Variants in RET observed in about 807,000 individuals in gnomAD.
RET encodes ret proto-oncogene, also known as proto-oncogene tyrosine-protein kinase receptor Ret.
Under a neutral mutation model 118.3 loss-of-function variants are expected in RET, and 19 were observed. The ratio of observed to expected loss-of-function variants is 0.16; its 90% CI spans 0.11 to 0.24. RET has a LOEUF of 0.24. RET is among the 10% of genes least tolerant of loss of function. The pLI is 1.00. For synonymous variants in RET, 597 were observed against 644.1 expected (o/e 0.93, Z 1.11); for missense variants, 1,219 against 1,502.1 (o/e 0.81, Z 3.12).
rs1437500839 is a variant in RET, at chr10:43,129,324, C to T, written c.*1055C>T. On this transcript the variant is annotated 3_prime_UTR_variant, in exon 20 of 20. Coordinates refer to ENST00000355710, the MANE Select transcript of RET (RefSeq NM_020975.6). ...AAGTAGCAATGACAATGACCAAGGA[C>T]TGCTACACCTCTGATTACAATTCTG... 4.3e-6 allele frequency: 1 copy of T among 233,626 alleles called. No individual in the cohort carries two copies. The highest frequency in any genetic ancestry group is 8.5e-6 in the Non-Finnish European group (1 of 118,062). 14.5% of individuals were successfully genotyped at this position (233,626 alleles called of 1,614,324 possible). A position where few individuals can be genotyped will look rare whatever the true frequency, so the allele number is the denominator to read the frequency against.
intron 13 of RET, among the ~76,000 whole-genome samples, chr10:43,119,209 G>A (rs1486685138): frequency 1.3e-5 from 2 of 152,178 alleles, no homozygotes; most frequent in Admixed American, 1.3e-4. Flanking sequence ...ACTGGGGCAG[G>A]ACCCAGGAGG....
chr10:43,094,840 A>G (rs535118074), intron 1 of RET, among the ~76,000 whole-genome samples: 1 of 152,340 alleles, frequency 6.6e-6, no homozygotes, highest in Admixed American at 6.5e-5. Flanking sequence ...TGGGAGAACA[A>G]GTGTATAACA....
chr10:43,077,088 G>A lies in RET; in HGVS notation c.-171G>A, dbSNP rs1837057649. ...CGCTTCAGTCCCGCGACCGAAGCAG[G>A]GCGCGCAGCAGCGCTGAGTGCCCCG... On this transcript the variant is annotated 5_prime_UTR_variant, in exon 1 of 20. Transcript: ENST00000355710. 7.9e-6 allele frequency: 8 copies of A among 1,017,754 alleles called. No individual in the cohort carries two copies. Among genetic ancestry groups the A allele is most frequent in the South Asian group, 6.6e-5 (2 of 30,494 alleles). 63.0% of individuals were successfully genotyped at this position (1,017,754 alleles called of 1,614,324 possible).
chr10:43,126,759 G>T, intron 19 of RET, 37 bp downstream of exon 19: 1 of 1,609,666 alleles, frequency 6.2e-7, no homozygotes, highest in Non-Finnish European at 8.5e-7. Flanking sequence ...TTCTAGCACC[G>T]CTGTCCCCTT....
rs146524796 is a variant in RET, at chr10:43,122,942, A to T, written c.2802-729A>T. Among the ~76,000 whole-genome samples, 18 of 152,290 alleles carry T rather than the reference A, an allele frequency of 1.2e-4. No individual in the cohort carries two copies. In the East Asian group the frequency reaches 3.5e-3, roughly 29 times the overall value. On this transcript the variant is annotated intron_variant, in intron 16 of 19. Transcript: ENST00000355710. ...GCATCTTAAATACTGTGGGCTGTGA[A>T]TAAGCAATTGGACAACAGCTTTCCG...
Position 43,106,632 on chromosome 10 carries a change from A to G in RET, c.1063+61A>G, listed in dbSNP as rs961850914. The G allele has an allele frequency of 1.9e-5, 30 of 1,546,754 alleles. No homozygotes were observed. The African/African-American group carries it at 3.8e-4, about 20-fold the overall frequency. ...CCAGGAAATGAGGTGCTCGCTCTTCATGGGCAAGCAGCACCCTACACACAT... is the reference window on the plus strand; with the variant it reads ...CCAGGAAATGAGGTGCTCGCTCTTCGTGGGCAAGCAGCACCCTACACACAT... On this transcript the variant is annotated intron_variant, in intron 5 of 19. Transcript: ENST00000355710. The surrounding 1 kb of genome is among the most constrained non-coding windows in gnomAD (Gnocchi z 5.1).
intron 16 of RET, 71 bp downstream of exon 16, chr10:43,122,087 C>A: frequency 8.2e-7 from 1 of 1,225,726 alleles, no homozygotes; most frequent in Non-Finnish European, 1.2e-6. Flanking sequence ...GGGGCCACGA[C>A]GCCCGTCTGT....
intron 6 of RET, 95 bp downstream of exon 6, chr10:43,109,325 A>AGTCTACTCTGTGCTGGTTGG: frequency 8.1e-7 from 1 of 1,228,250 alleles, no homozygotes; most frequent in Non-Finnish European, 1.2e-6. Flanking sequence ...TGGCCCAACC[A>AGTCTACTCTGTGCTGGTTGG]GCACAGAGTA....
chr10:43,084,880 C>A (rs1837257255), intron 1 of RET, among the ~76,000 whole-genome samples: 1 of 152,190 alleles, frequency 6.6e-6, no homozygotes, highest in African/African-American at 2.4e-5. Flanking sequence ...AGCCAGCAGA[C>A]CCCCACCCCA....
chr10:43,086,695 T>C (rs558124342), intron 1 of RET, among the ~76,000 whole-genome samples: 1 of 152,362 alleles, frequency 6.6e-6, no homozygotes, highest in Admixed American at 6.5e-5. Context: ...AATTGGCAGT[T>C]TCCTTTGCAT....
intron 1 of RET, among the ~76,000 whole-genome samples, chr10:43,083,111 A>G (rs979703981): frequency 3.3e-5 from 5 of 152,148 alleles, no homozygotes; most frequent in Non-Finnish European, 7.4e-5. Flanking sequence ...CAGGGAAACA[A>G]CGGGGCTCAT....
At chr10:43,102,741 C>G (rs552798544) in intron 3 of RET, 112 bp downstream of exon 3, 25 of 1,343,690 alleles carry the variant, frequency 1.9e-5, no homozygotes, top group Non-Finnish European at 2.5e-5. Flanking sequence ...GCCATCAGTT[C>G]ATTCAATATT....
At chr10:43,090,562 A>G (rs1837389709) in intron 1 of RET, among the ~76,000 whole-genome samples, 1 of 152,142 alleles carries the variant, frequency 6.6e-6, no homozygotes, top group Non-Finnish European at 1.5e-5. Flanking sequence ...CTCTCAAGCC[A>G]GGGCCACATG....
At chr10:43,081,165 C>T (rs570493582) in intron 1 of RET, among the ~76,000 whole-genome samples, 43 of 152,030 alleles carry the variant, frequency 2.8e-4, no homozygotes, top group Non-Finnish European at 5.9e-4. Flanking sequence ...CTTCAGGAGC[C>T]CCTCCCCCAG....
At chr10:43,104,087 T>C (rs1837702313) in intron 3 of RET, among the ~76,000 whole-genome samples, 1 of 152,200 alleles carries the variant, frequency 6.6e-6, no homozygotes, top group African/African-American at 2.4e-5. Context: ...TGTCTCGACA[T>C]CCGGCCTTCA....
intron 2 of RET, 79 bp downstream of exon 2, chr10:43,100,801 C>CTGA: frequency 6.8e-7 from 1 of 1,466,642 alleles, no homozygotes; most frequent in Non-Finnish European, 9.3e-7. Flanking sequence ...GCCGCTGACA[C>CTGA]TGAAGCTTGG....
At chr10:43,090,112 C>T (rs1273876536) in intron 1 of RET, among the ~76,000 whole-genome samples, 2 of 152,190 alleles carry the variant, frequency 1.3e-5, no homozygotes, top group East Asian at 1.9e-4. Context: ...GGAAACTGGA[C>T]ATGTGTGAGT....
chr10:43,118,571 A>T, intron 13 of RET, 91 bp downstream of exon 13: 1 of 936,540 alleles, frequency 1.1e-6, no homozygotes. Context: ...CCCTTTCCCT[A>T]CTGCTCCTGC....
intron 6 of RET, among the ~76,000 whole-genome samples, chr10:43,110,553 G>T (rs572649476): frequency 5.3e-5 from 8 of 152,282 alleles, no homozygotes; most frequent in Middle Eastern, 6.8e-3. Context: ...GCATCCCCAG[G>T]AGAGGCCCCT....
Sources: allele counts gnomAD v4.1 joint callset (sites outside exome capture counted in the v4.1 genomes callset), GRCh38; gene constraint gnomAD v4.1.1; non-coding constraint Gnocchi (gnomAD v3.1); transcripts MANE v1.5; gene names NCBI Gene and HGNC (gene_info 2026-07-23, HGNC 2026-07-21).